EXD3: variants seen among roughly 807,000 people sequenced by gnomAD.
The protein encoded by EXD3 is exonuclease mut-7 homolog.
Under a neutral mutation model 98.0 loss-of-function variants are expected in EXD3, and 92 were observed. The observed-to-expected ratio is 0.94, with a 90% CI of 0.79 to 1.12. The LOEUF is 1.12. Among genes scored for constraint, EXD3 ranks in the 50% most tolerant of loss-of-function variants. EXD3 has a pLI of 0.00. For synonymous variants in EXD3, 569 were observed against 526.0 expected (o/e 1.08, Z -1.12); for missense variants, 1,222 against 1,191.6 (o/e 1.03, Z -0.38).
At chr9:137,354,163 G>C (rs896468028) in intron 10 of EXD3, 176 bp downstream of exon 10, 54 of 1,422,646 alleles carry the variant, frequency 3.8e-5, no homozygotes, top group Non-Finnish European at 4.6e-5. Context: ...CAGGCCTCCC[G>C]GGCCTGAGGA....
At chr9:137,370,147 C>T (rs941948798) in intron 5 of EXD3, among the ~76,000 whole-genome samples, 1 of 152,106 alleles carries the variant, frequency 6.6e-6, no homozygotes, top group Non-Finnish European at 1.5e-5. Flanking sequence ...AGTAGCAGAC[C>T]CACCCCTTCC....
chr9:137,354,149 C>T (rs925386662), intron 10 of EXD3, 190 bp downstream of exon 10: 72 of 1,427,210 alleles, frequency 5.0e-5, no homozygotes, highest in African/African-American at 2.6e-4. Flanking sequence ...CCTCGGCTCC[C>T]GCTCAGGCCT....
intron 2 of EXD3, among the ~76,000 whole-genome samples, chr9:137,388,359 G>A (rs1257069389): frequency 3.9e-5 from 6 of 152,130 alleles, no homozygotes; most frequent in Non-Finnish European, 8.8e-5. Context: ...CCGACGGGAG[G>A]ACGGATGGTT....
Position 137,373,511 on chromosome 9 carries a change from C to T in EXD3, c.209G>A (p.Arg70Gln), listed in dbSNP as rs200718958. 4.7e-4 allele frequency: 748 copies of T among 1,605,350 alleles called. No individual in the cohort carries two copies. Among genetic ancestry groups the T allele is most frequent in the South Asian group, 1.1e-3 (95 of 89,722 alleles). The stretch of plus-strand genomic sequence containing the variant: ...GGCCGCCAGGGAGGGGCCCTCTCCC[C>T]GCTGGCCCCGGCAGCTCTCCAGCAT... ...LDMLESCRGQRGEGPSLAAWI... is the reference protein window; with the variant it reads ...LDMLESCRGQQGEGPSLAAWI... Residue 70 changes from arginine to glutamine, a missense_variant, in exon 4 of 22, where the codon CGG becomes CAG. Coordinates refer to ENST00000340951, the MANE Select transcript of EXD3 (RefSeq NM_017820.5).
intron 7 of EXD3, 54 bp downstream of exon 7, chr9:137,366,439 C>T: frequency 6.5e-7 from 1 of 1,530,466 alleles, no homozygotes. Context: ...CTTCCCTAAC[C>T]AGGGCTCCCA....
rs1200105793 is a variant in EXD3, at chr9:137,347,901, G to A, written c.1998+170C>T. 3.9e-5 allele frequency among the ~76,000 whole-genome samples: 6 copies of A among 152,116 alleles called. No homozygotes were observed. In the East Asian group the frequency reaches 1.2e-3, roughly 29 times the overall value. On this transcript the variant is annotated intron_variant, in intron 17 of 21. Coordinates refer to ENST00000340951, the MANE Select transcript of EXD3 (RefSeq NM_017820.5). The surrounding 1 kb of genome is among the most constrained non-coding windows in gnomAD (Gnocchi z 4.2). Reference sequence around the variant, plus strand: ...AGGCTGGGACCATCTCAGCCACTTGGCCCCCAACCGCTCCATCCTTGGCCA... The same window carrying A: ...AGGCTGGGACCATCTCAGCCACTTGACCCCCAACCGCTCCATCCTTGGCCA...
rs915048556 is a variant in EXD3, at chr9:137,405,714, G to A, written c.-47-10310C>T. 6.6e-6 allele frequency among the ~76,000 whole-genome samples: 1 copy of A among 152,216 alleles called. No individual in the cohort carries two copies. Among genetic ancestry groups the A allele is most frequent in the South Asian group, 2.1e-4 (1 of 4,836 alleles). Reference sequence around the variant, plus strand: ...GATTTTCTTACATCACATTGAAGTAGATCAAGTTCCTGATAAATGTTAGAG... The same window carrying A: ...GATTTTCTTACATCACATTGAAGTAAATCAAGTTCCTGATAAATGTTAGAG... On this transcript the variant is annotated intron_variant, in intron 1 of 21. Coordinates refer to ENST00000340951, the MANE Select transcript of EXD3 (RefSeq NM_017820.5). This position sits in a 1 kb window ranked among gnomAD's most constrained non-coding sequence, Gnocchi z 4.1.
At chr9:137,354,908 C>T (rs964036415) in intron 8 of EXD3, 135 bp from the exon 9 acceptor site, 5 of 835,694 alleles carry the variant, frequency 6.0e-6, no homozygotes, top group Non-Finnish European at 9.1e-6. Context: ...CGGAGCCCAC[C>T]CCCTCCTCAC....
chr9:137,399,021 A>G (rs1837361100), intron 1 of EXD3, among the ~76,000 whole-genome samples: 1 of 151,776 alleles, frequency 6.6e-6, no homozygotes, highest in Non-Finnish European at 1.5e-5. Flanking sequence ...TAACACGTGC[A>G]CACCGACATC....
rs1242492261 is a variant in EXD3, at chr9:137,354,381, C to T, written c.832-4G>A. The stretch of plus-strand genomic sequence containing the variant: ...AGTTCTCCTGTGACAGGCTCTTCTG[C>T]AAAGGCAAACAGGAAGGGGCGGTTG... On this transcript the variant is annotated splice_region_variant and splice_polypyrimidine_tract_variant and intron_variant, in intron 9 of 21. Coordinates refer to ENST00000340951, the MANE Select transcript of EXD3 (RefSeq NM_017820.5). The T allele has an allele frequency of 1.2e-6, 2 of 1,612,222 alleles. No individual in the cohort carries two copies. Among genetic ancestry groups the T allele is most frequent in the African/African-American group, 1.3e-5 (1 of 74,938 alleles).
intron 1 of EXD3, among the ~76,000 whole-genome samples, chr9:137,413,909 T>G (rs532362819): frequency 2.7e-5 from 4 of 148,824 alleles, no homozygotes; most frequent in South Asian, 2.1e-4. Flanking sequence ...GGTTCTGTTG[T>G]TTTTTTTTTC....
At chr9:137,352,563 T>C in intron 11 of EXD3, 57 bp downstream of exon 11, 1 of 1,451,282 alleles carries the variant, frequency 6.9e-7, no homozygotes, top group Non-Finnish European at 9.1e-7. Context: ...GTCCCAAGGG[T>C]AGGGGCCACC....
Position 137,405,539 on chromosome 9 carries a change from T to C in EXD3, c.-47-10135A>G, listed in dbSNP as rs1488790366. Among the ~76,000 whole-genome samples the C allele has an allele frequency of 2.0e-5, 3 of 152,168 alleles. No homozygotes were observed. Among genetic ancestry groups the C allele is most frequent in the Non-Finnish European group, 4.4e-5 (3 of 68,024 alleles). ...CCACAGTTTCTCAGGCTCTCAACAA[T>C]AAACTTTACGTCTCATGGTTCAAGA... On this transcript the variant is annotated intron_variant, in intron 1 of 21. Coordinates refer to ENST00000340951, the MANE Select transcript of EXD3 (RefSeq NM_017820.5). The surrounding 1 kb of genome is among the most constrained non-coding windows in gnomAD (Gnocchi z 4.1).
Position 137,349,634 on chromosome 9 carries a change from G to A in EXD3, c.1495-103C>T, listed in dbSNP as rs909552315. The A allele has an allele frequency of 7.2e-6, 9 of 1,246,306 alleles. No individual in the cohort carries two copies. The highest frequency in any genetic ancestry group is 8.5e-6 in the Non-Finnish European group (8 of 941,248). The allele number at this position is 1,246,306 out of a possible 1,614,324, so 77.2% of individuals were successfully genotyped here. On this transcript the variant is annotated intron_variant, in intron 14 of 21. Coordinates refer to ENST00000340951, the MANE Select transcript of EXD3 (RefSeq NM_017820.5). This position sits in a 1 kb window ranked among gnomAD's most constrained non-coding sequence, Gnocchi z 7.4. Reference sequence around the variant, plus strand: ...CTGCGGGGGCTCTGGAGGAGGCCCCGCCCCCTCCACCAGCGGCCCCCACAG... The same window carrying A: ...CTGCGGGGGCTCTGGAGGAGGCCCCACCCCCTCCACCAGCGGCCCCCACAG...
chr9:137,336,635 G>A (rs1833365974), intron 17 of EXD3, among the ~76,000 whole-genome samples: 1 of 138,684 alleles, frequency 7.2e-6, no homozygotes, highest in Non-Finnish European at 1.5e-5. Context: ...TCCAGCCTGG[G>A]TGACAAAGTG....
At chr9:137,356,829 TC>T (rs2119263184) in intron 7 of EXD3, among the ~76,000 whole-genome samples, 1 of 152,300 alleles carries the variant, frequency 6.6e-6, no homozygotes, top group Admixed American at 6.5e-5. Context: ...ACTTGGCTCC[TC>T]CTGCCCCTCC....
At position 137,321,139 on chromosome 9, in the gene EXD3, C is replaced by T. The variant is rs187777839; in HGVS notation, c.2184+2586G>A. On this transcript the variant is annotated intron_variant, in intron 19 of 21. Transcript: ENST00000340951. ...GGCCGGCTGCAGATCCGAGCCGAGC[C>T]GGAGCTTTCCCTCTTTCCTTCCTGC... is the stretch of plus-strand genomic sequence containing the variant. Among the ~76,000 whole-genome samples, 9 of 152,374 alleles carry T rather than the reference C, an allele frequency of 5.9e-5. No individual in the cohort carries two copies. In the South Asian group the frequency reaches 6.2e-4, roughly 11 times the overall value.
At chr9:137,357,257 C>G (rs1172739051) in intron 7 of EXD3, 1 of 152,188 alleles carries the variant, frequency 6.6e-6, no homozygotes, top group Non-Finnish European at 1.5e-5. Context: ...CTCCACAAAC[C>G]TGTTAAGTCC....
At chr9:137,308,641 T>C (rs1403286581) in intron 20 of EXD3, among the ~76,000 whole-genome samples, 1 of 149,836 alleles carries the variant, frequency 6.7e-6, no homozygotes, top group Admixed American at 6.6e-5. Flanking sequence ...ACCCTTTTTT[T>C]TTTTTTTTTT....
Sources: allele counts gnomAD v4.1 joint callset (sites outside exome capture counted in the v4.1 genomes callset), GRCh38; gene constraint gnomAD v4.1.1; non-coding constraint Gnocchi (gnomAD v3.1); transcripts MANE v1.5; gene names NCBI Gene and HGNC (gene_info 2026-07-23, HGNC 2026-07-21).